The following ESR1 variants were observed in gnomAD, a reference collection of about 807,000 sequenced individuals.
The protein encoded by ESR1 is estrogen receptor.
In ESR1, 12 loss-of-function variants were observed where a neutral mutation model predicts 52.7. The observed-to-expected ratio is 0.23, with a 90% confidence interval of 0.15 to 0.37. The LOEUF (loss-of-function observed/expected upper bound fraction) is 0.37, where lower values mean the gene tolerates loss of function less well. ESR1 is among the 10% of genes least tolerant of loss of function. The pLI is 1.00. For synonymous variants in ESR1, 305 were observed against 316.8 expected, an observed-to-expected ratio of 0.96 and a Z score of 0.39; for missense variants, 584 against 779.7, an observed-to-expected ratio of 0.75 and a Z score of 2.99.
In ESR1 at chr6:151,944,277, G is replaced by T; in HGVS notation, c.865G>T (p.Ala289Ser). Residue 289 changes from alanine (A) to serine (S), a missense_variant, in exon 4 of 8, where the codon GCC (alanine) becomes TCC (serine). Transcript: ENST00000206249. ...EVGSAGDMRAANLWPSPLMIK... is the reference protein window; with the variant it reads ...EVGSAGDMRASNLWPSPLMIK... ...GGGGTCTGCTGGAGACATGAGAGCT[G>T]CCAACCTTTGGCCAAGCCCGCTCAT... The T allele has an allele frequency of 2.5e-6, 4 of 1,614,168 alleles. No homozygotes were observed. The highest frequency in any genetic ancestry group is 4.5e-5 in the East Asian group (2 of 44,872).
intron 5 of ESR1, among the ~76,000 whole-genome samples, chr6:152,047,553 C>A (rs936071029): frequency 1.3e-5 from 2 of 152,036 alleles, no homozygotes; most frequent in African/African-American, 4.8e-5. Flanking sequence ...AGAGCTTTGC[C>A]AGTGGAATGA....
At chr6:151,715,071 G>A (rs1202482328) in intron 2 of ESR1, among the ~76,000 whole-genome samples, 3 of 152,158 alleles carry the variant, frequency 2.0e-5, no homozygotes, top group Non-Finnish European at 4.4e-5. Context: ...GTCTGTAAAG[G>A]ATCTTATTTC....
chr6:151,825,910 CAAAA>C (rs3996305), intron 1 of ESR1, among the ~76,000 whole-genome samples: 1 of 78,122 alleles, frequency 1.3e-5, no homozygotes, highest in Non-Finnish European at 2.5e-5. Flanking sequence ...GACTCCATCT[CAAAA>C]AAAAAAAAAA....
chr6:152,122,022 A>G, intron 6 of ESR1: 1 of 254,492 alleles, frequency 3.9e-6, no homozygotes. Context: ...GGTAGATTGT[A>G]CGACACTGAC....
intron 3 of ESR1, among the ~76,000 whole-genome samples, chr6:151,901,153 G>C (rs905790460): frequency 1.3e-5 from 2 of 152,128 alleles, no homozygotes; most frequent in Non-Finnish European, 2.9e-5. Context: ...AGGTTCCCAG[G>C]TCAATGGAGT....
rs9341064 is a variant in ESR1 at position 152,098,143 on chromosome 6, C to T, written c.1554-589C>T. On this transcript the variant is annotated intron_variant, in intron 7 of 7. Coordinates refer to ENST00000206249, the MANE Select transcript of ESR1 (RefSeq NM_000125.4). The surrounding 1 kb of genome is among the most constrained non-coding windows in gnomAD (Gnocchi z 5.1). Reference sequence around the variant, plus strand: ...GGCAGCACAAAAATCAGTGTGGCTCCGGAGAGCACATTAGGGGAGAGAGGC... The same window carrying T: ...GGCAGCACAAAAATCAGTGTGGCTCTGGAGAGCACATTAGGGGAGAGAGGC... Among the ~76,000 whole-genome samples the T allele has an allele frequency of 5.3e-3, 804 of 152,086 alleles. 7 individuals carry two copies. The highest frequency in any genetic ancestry group is 0.023 in the South Asian group (112 of 4,816).
intron 3 of ESR1, among the ~76,000 whole-genome samples, chr6:151,899,119 C>A (rs1464833684): frequency 8.3e-6 from 1 of 119,922 alleles, no homozygotes; most frequent in Non-Finnish European, 1.7e-5. Flanking sequence ...GCTGGCCGGG[C>A]GGGGGGCTGA....
chr6:151,881,886 A>AATC (rs1792986434), intron 3 of ESR1, among the ~76,000 whole-genome samples: 17 of 16,168 alleles, frequency 1.1e-3, no homozygotes. Context: ...CTGTCTCAAT[A>AATC]AATAAATAAA....
intron 2 of ESR1, among the ~76,000 whole-genome samples, chr6:151,717,513 A>C (rs1240660786): frequency 6.6e-6 from 1 of 152,108 alleles, no homozygotes; most frequent in African/African-American, 2.4e-5. Flanking sequence ...TTTCTACATT[A>C]TTTAGATCTT....
chr6:151,878,667 T>C (rs1236875345), intron 2 of ESR1, among the ~76,000 whole-genome samples: 2 of 152,174 alleles, frequency 1.3e-5, no homozygotes, highest in African/African-American at 4.8e-5. Flanking sequence ...GAATCTGAAC[T>C]AGGGTGTGAA....
chr6:151,694,099 C>A (rs548025167), intron 1 of ESR1, among the ~76,000 whole-genome samples: 1 of 152,272 alleles, frequency 6.6e-6, no homozygotes, highest in South Asian at 2.1e-4. Context: ...CTCACAGCAA[C>A]CCCAGGTGGT....
chr6:151,785,242 G>A lies in ESR1; in HGVS notation c.-70-22601G>A, dbSNP rs975441905. 1.9e-4 allele frequency among the ~76,000 whole-genome samples: 29 copies of A among 152,328 alleles called. 1 individual carries two copies. The highest frequency in any genetic ancestry group is 7.2e-4 in the Admixed American group (11 of 15,304). On this transcript the variant is annotated intron_variant, in intron 2 of 2. Transcript: ENST00000404742. ...CCCCAGTGACAGGACAGTGAAAGAT[G>A]AGCCTGGAGACGGGGAGTGGGAGGA... is the stretch of plus-strand genomic sequence containing the variant.
At chr6:151,750,649 A>G (rs901114794) in intron 2 of ESR1, among the ~76,000 whole-genome samples, 22 of 152,190 alleles carry the variant, frequency 1.4e-4, no homozygotes, top group Non-Finnish European at 1.5e-5. Flanking sequence ...TTGAAGTAGA[A>G]GTCTCTTCTC....
intron 1 of ESR1, among the ~76,000 whole-genome samples, chr6:151,834,083 C>T (rs1782884348): frequency 6.6e-6 from 1 of 152,172 alleles, no homozygotes; most frequent in African/African-American, 2.4e-5. Context: ...AATAGGAACA[C>T]TTTTACACTG....
At chr6:152,064,597 A>G (rs909795695) in intron 6 of ESR1, among the ~76,000 whole-genome samples, 8 of 152,342 alleles carry the variant, frequency 5.3e-5, no homozygotes, top group African/African-American at 1.9e-4. Flanking sequence ...TGTGCCAGGT[A>G]TACAAAACTG....
intron 2 of ESR1, among the ~76,000 whole-genome samples, chr6:151,718,307 A>G (rs1466519881): frequency 1.3e-5 from 2 of 152,212 alleles, no homozygotes; most frequent in South Asian, 2.1e-4. Context: ...TAAGTGAAAA[A>G]CAGTGCACTA....
chr6:151,917,370 C>A (rs9340889), intron 3 of ESR1, among the ~76,000 whole-genome samples: 3 of 152,066 alleles, frequency 2.0e-5, no homozygotes, highest in Non-Finnish European at 4.4e-5. Context: ...TGAAGCCAGG[C>A]AAGAAAAATA....
intron 1 of ESR1, chr6:151,811,380 A>C (rs912109866): frequency 6.6e-6 from 1 of 152,222 alleles, no homozygotes; most frequent in Admixed American, 6.5e-5. Context: ...GATGAAGCTT[A>C]ACTATATCAA....
intron 1 of ESR1, among the ~76,000 whole-genome samples, chr6:151,814,605 AT>A (rs1374187253): frequency 6.6e-6 from 1 of 152,222 alleles, no homozygotes; most frequent in Non-Finnish European, 1.5e-5. Flanking sequence ...TATTAACTAG[AT>A]TAAAAGTTTC....
Sources: allele counts gnomAD v4.1 joint callset (sites outside exome capture counted in the v4.1 genomes callset), GRCh38; gene constraint gnomAD v4.1.1; non-coding constraint Gnocchi (gnomAD v3.1); transcripts MANE v1.5; gene names NCBI Gene and HGNC (gene_info 2026-07-23, HGNC 2026-07-21).